The following ANKRD13C variants were observed in gnomAD, a reference collection of about 807,000 sequenced individuals.
The protein encoded by ANKRD13C is ankyrin repeat domain 13C, also known as ankyrin repeat domain-containing protein 13C.
A neutral mutation model predicts 65.5 loss-of-function variants in ANKRD13C; 16 were observed. The ratio of observed to expected loss-of-function variants is 0.24; its 90% confidence interval spans 0.17 to 0.37. The LOEUF is 0.37. ANKRD13C is among the 10% of genes least tolerant of loss of function. ANKRD13C has a pLI of 1.00. For synonymous variants in ANKRD13C, 235 were observed against 238.7 expected (o/e 0.98, Z 0.14); for missense variants, 503 against 655.9 (o/e 0.77, Z 2.55).
chr1:70,295,994 T>C (rs1680066707), intron 8 of ANKRD13C, 136 bp downstream of exon 8: 2 of 938,310 alleles, frequency 2.1e-6, no homozygotes, highest in South Asian at 3.8e-5. Flanking sequence ...TAATTCCTTA[T>C]CTGGATTCAA....
intron 2 of ANKRD13C, among the ~76,000 whole-genome samples, chr1:70,331,965 G>T (rs1180376068): frequency 1.3e-5 from 2 of 150,728 alleles, no homozygotes; most frequent in Admixed American, 6.6e-5. Flanking sequence ...TTTAAAAAGA[G>T]AATTATACAA....
intron 9 of ANKRD13C, among the ~76,000 whole-genome samples, chr1:70,278,635 G>A (rs1351373757): frequency 6.6e-6 from 1 of 152,088 alleles, no homozygotes; most frequent in East Asian, 1.9e-4. Context: ...AGACTAATAT[G>A]AATAATAAGA....
Position 70,281,994 on chromosome 1 carries a change from C to A in ANKRD13C, c.1216-5150G>T, listed in dbSNP as rs190334316. 1.4e-3 allele frequency among the ~76,000 whole-genome samples: 216 copies of A among 149,866 alleles called. 4 individuals are homozygous for A. Among genetic ancestry groups the A allele is most frequent in the Admixed American group, 0.014 (212 of 15,128 alleles). On this transcript the variant is annotated intron_variant, in intron 9 of 12. Coordinates refer to ENST00000370944, the MANE Select transcript of ANKRD13C (RefSeq NM_030816.5). Reference sequence around the variant, plus strand: ...CAGTATGGGCAACAGAGGGAGACTCCATCTCAAAAAAAAGAATTACTATTC... The same window carrying A: ...CAGTATGGGCAACAGAGGGAGACTCAATCTCAAAAAAAAGAATTACTATTC...
intron 2 of ANKRD13C, among the ~76,000 whole-genome samples, chr1:70,325,661 G>A (rs764982286): frequency 3.3e-5 from 5 of 151,188 alleles, no homozygotes; most frequent in South Asian, 2.1e-4. Context: ...GGCAGATCAC[G>A]AGGTCAGGAG....
At chr1:70,327,834 G>A (rs1353141584) in intron 2 of ANKRD13C, among the ~76,000 whole-genome samples, 1 of 152,120 alleles carries the variant, frequency 6.6e-6, no homozygotes, top group Non-Finnish European at 1.5e-5. Context: ...GGAGGCCAAG[G>A]GGGGCGGATC....
chr1:70,303,539 A>G (rs1315270087), intron 6 of ANKRD13C, among the ~76,000 whole-genome samples: 2 of 152,176 alleles, frequency 1.3e-5, no homozygotes, highest in Non-Finnish European at 2.9e-5. Flanking sequence ...TTACCTCTTA[A>G]TTATTTGTAT....
At chr1:70,326,333 T>C (rs1681544935) in intron 2 of ANKRD13C, among the ~76,000 whole-genome samples, 1 of 150,658 alleles carries the variant, frequency 6.6e-6, no homozygotes, top group Admixed American at 6.6e-5. Context: ...TTATATGCAA[T>C]TTCTAAATAC....
At chr1:70,353,866 A>C in intron 1 of ANKRD13C, 113 bp downstream of exon 1, 1 of 1,356,916 alleles carries the variant, frequency 7.4e-7, no homozygotes, top group Non-Finnish European at 9.7e-7. Flanking sequence ...AACGGCCCGG[A>C]TGATGGGCAA....
At chr1:70,294,495 G>C (rs1366817022) in intron 8 of ANKRD13C, among the ~76,000 whole-genome samples, 1 of 152,092 alleles carries the variant, frequency 6.6e-6, no homozygotes, top group Non-Finnish European at 1.5e-5. Context: ...TACATAATGT[G>C]AGTGGGCCTA....
At chr1:70,351,614 G>T (rs1029292377) in intron 1 of ANKRD13C, among the ~76,000 whole-genome samples, 6 of 152,008 alleles carry the variant, frequency 3.9e-5, no homozygotes, top group South Asian at 4.2e-4. Flanking sequence ...TGGTCAGGCT[G>T]GTCTTGAACT....
intron 2 of ANKRD13C, among the ~76,000 whole-genome samples, chr1:70,328,239 TTAAA>T (rs1457144520): frequency 1.3e-5 from 2 of 152,096 alleles, no homozygotes; most frequent in East Asian, 1.9e-4. Context: ...GATAAAGGAA[TTAAA>T]TAAATCAAAA....
At chr1:70,309,542 T>C (rs1368703510) in intron 5 of ANKRD13C, among the ~76,000 whole-genome samples, 3 of 148,730 alleles carry the variant, frequency 2.0e-5, no homozygotes, top group Non-Finnish European at 3.0e-5. Flanking sequence ...CACGGTGAAA[T>C]CCCGTCTGTA....
rs1464745083 is a variant in ANKRD13C at position 70,354,234 on chromosome 1, G to T, written c.175C>A (p.His59Asn). 1 of 1,613,580 alleles carries T rather than the reference G, an allele frequency of 6.2e-7. No homozygotes were observed. The highest frequency in any genetic ancestry group is 1.7e-5 in the Admixed American group (1 of 60,028). ...GGAGCTGCCTTCAGCTGTAGCCGGTGGTGATGGTTACTGAAGATCTTATGA... is the reference window on the plus strand; with the variant it reads ...GGAGCTGCCTTCAGCTGTAGCCGGTTGTGATGGTTACTGAAGATCTTATGA... ...ACHKIFSNHH[H>N]RLQLKAAPAS... The change falls in exon 1 of 13, where the codon CAC becomes AAC. Residue 59 changes from histidine to asparagine, a missense_variant. By Grantham distance (68) the His-to-Asn change is moderately conservative. Coordinates refer to ENST00000370944, the MANE Select transcript of ANKRD13C (RefSeq NM_030816.5).
intron 10 of ANKRD13C, among the ~76,000 whole-genome samples, chr1:70,275,364 G>C (rs1044257737): frequency 4.6e-5 from 7 of 152,296 alleles, no homozygotes; most frequent in Non-Finnish European, 8.8e-5. Context: ...AAAAGAGGAG[G>C]TTATCTTTAT....
In ANKRD13C at chr1:70,276,826, G is replaced by T; in HGVS notation, c.1234C>A (p.Leu412Ile). The change falls in exon 10 of 13, where the codon CTT (leucine) becomes ATT (isoleucine). Residue 412 changes from leucine (L) to isoleucine (I), a missense_variant. Physicochemically the swap from Leu to Ile is conservative, Grantham distance 5. Around this residue, in one of 2 missense-constraint regions of ANKRD13C, gnomAD observed 300 missense variants for 478.3 expected, o/e 0.63. Transcript: ENST00000370944. ...ATAGTGTTCTGAGGAGGAGGTGTAAGAGACTGTCTTCGAATCGGCTGCCAA... is the reference window on the plus strand; with the variant it reads ...ATAGTGTTCTGAGGAGGAGGTGTAATAGACTGTCTTCGAATCGGCTGCCAA... ...QNFEPIRRQS[L>I]TPPPQNTITW... is the part of the protein sequence containing the mutation. 1 of 1,599,656 alleles carries T rather than the reference G, an allele frequency of 6.3e-7. No homozygotes were observed.
intron 6 of ANKRD13C, 197 bp downstream of exon 6, chr1:70,306,027 C>T (rs1296454672): frequency 3.3e-6 from 1 of 298,848 alleles, no homozygotes; most frequent in Admixed American, 5.0e-5. Flanking sequence ...TGAGTTTGTT[C>T]TCTAAGTAAT....
At chr1:70,314,740 T>TA (rs560566300) in intron 4 of ANKRD13C, among the ~76,000 whole-genome samples, 2,352 of 133,792 alleles carry the variant, frequency 0.018, 38 homozygotes, top group South Asian at 0.052. Context: ...TCTTAAGATC[T>TA]AAAAAAAAAA....
Position 70,270,775 on chromosome 1 carries a change from A to C in ANKRD13C, c.1495+81T>G, listed in dbSNP as rs1196691668. On this transcript the variant is annotated intron_variant, in intron 12 of 12. Coordinates refer to ENST00000370944, the MANE Select transcript of ANKRD13C (RefSeq NM_030816.5). ...AGAGGTGTTGGGGACCCCTGCTTTA[A>C]AAGAAATTGCTTATTAAATGTTAAT... 6.0e-6 allele frequency: 6 copies of C among 996,392 alleles called. No individual in the cohort carries two copies. The Admixed American group carries it at 1.2e-4, about 20-fold the overall frequency. The allele number at this position is 996,392 out of a possible 1,614,324, so 61.7% of individuals were successfully genotyped here.
At position 70,329,021 on chromosome 1, in the gene ANKRD13C, T is replaced by C. The variant is rs1037782991; in HGVS notation, c.473-4064A>G. On this transcript the variant is annotated intron_variant, in intron 2 of 12. Transcript: ENST00000370944. ...AGACTTTTGAAAGAAAAGAAAAATA[T>C]GGCAAATTACTATCTGTAGGGATTC... 2.6e-5 allele frequency among the ~76,000 whole-genome samples: 4 copies of C among 151,968 alleles called. No homozygotes were observed. In the East Asian group the frequency reaches 5.8e-4, roughly 22 times the overall value.
Sources: allele counts gnomAD v4.1 joint callset (sites outside exome capture counted in the v4.1 genomes callset), GRCh38; gene constraint gnomAD v4.1.1; regional missense constraint gnomAD v4.1.1; transcripts MANE v1.5; gene names NCBI Gene and HGNC (gene_info 2026-07-23, HGNC 2026-07-21).